The following ARK2N variants were observed in gnomAD, a reference collection of about 807,000 sequenced individuals.
The protein encoded by ARK2N is protein ARK2N.
chr18:46,249,390 C>T, the ARK2N span, among the ~76,000 whole-genome samples: 1 of 152,088 alleles, frequency 6.6e-6, no homozygotes, highest in South Asian at 2.1e-4. Context: ...CCACCACGCC[C>T]GGCTAATTTT....
the ARK2N span, among the ~76,000 whole-genome samples, chr18:46,259,484 C>T: frequency 1.3e-5 from 2 of 151,966 alleles, no homozygotes; most frequent in East Asian, 1.9e-4. Context: ...CCCCATGATC[C>T]GCCTACCTCG....
chr18:46,211,324 T>C, the ARK2N span, among the ~76,000 whole-genome samples: 1 of 152,278 alleles, frequency 6.6e-6, no homozygotes, highest in South Asian at 2.1e-4. Flanking sequence ...TTCTCCTTGC[T>C]GAGCCTCCCC....
the ARK2N span, among the ~76,000 whole-genome samples, chr18:46,212,283 C>T: frequency 6.6e-6 from 1 of 152,114 alleles, no homozygotes; most frequent in African/African-American, 2.4e-5. Context: ...TTGTATACAT[C>T]ACAAATTCAA....
chr18:46,209,471 C>T, the ARK2N span, among the ~76,000 whole-genome samples: 1 of 152,124 alleles, frequency 6.6e-6, no homozygotes. Context: ...GCACTGTATA[C>T]TGCTTAAATT....
chr18:46,260,649 A>T, the ARK2N span, among the ~76,000 whole-genome samples: 1 of 151,732 alleles, frequency 6.6e-6, no homozygotes, highest in African/African-American at 2.4e-5. Context: ...TAAACCTCTC[A>T]CTCTCCTAGT....
the ARK2N span, among the ~76,000 whole-genome samples, chr18:46,257,117 G>A: frequency 1.7e-4 from 26 of 152,124 alleles, no homozygotes; most frequent in Non-Finnish European, 5.9e-5. Flanking sequence ...TGTTTTGTTT[G>A]GATTTAGTTG....
the ARK2N span, among the ~76,000 whole-genome samples, chr18:46,196,994 CTG>C: frequency 6.6e-5 from 10 of 152,184 alleles, no homozygotes; most frequent in Admixed American, 2.0e-4. Flanking sequence ...CAGGTGGTAA[CTG>C]TCTTCTTTAT....
chr18:46,258,952 T>C, the ARK2N span, among the ~76,000 whole-genome samples: 1 of 152,124 alleles, frequency 6.6e-6, no homozygotes, highest in Non-Finnish European at 1.5e-5. Context: ...TATTCTCTTA[T>C]AAAATAGTTG....
chr18:46,173,966 G>C, the ARK2N span: 2 of 152,368 alleles, frequency 1.3e-5, no homozygotes, highest in East Asian at 3.9e-4. Context: ...TCGGGCGCCA[G>C]TCTCCAGAGG....
the ARK2N span, among the ~76,000 whole-genome samples, chr18:46,234,460 A>G: frequency 5.1e-4 from 78 of 152,270 alleles, no homozygotes; most frequent in African/African-American, 1.7e-3. Flanking sequence ...CGGCCTCCCA[A>G]AGTGCTGGAT....
At chr18:46,237,366 G>A in the ARK2N span, among the ~76,000 whole-genome samples, 2 of 149,256 alleles carry the variant, frequency 1.3e-5, no homozygotes, top group South Asian at 4.2e-4. Context: ...GTAGCTCAGA[G>A]TGCAAATCCT....
At chr18:46,213,770 C>T in the ARK2N span, among the ~76,000 whole-genome samples, 1 of 152,140 alleles carries the variant, frequency 6.6e-6, no homozygotes, top group South Asian at 2.1e-4. Context: ...GATCTTGGCT[C>T]ACTGCAACCT....
chr18:46,175,288 A>G, the ARK2N span, among the ~76,000 whole-genome samples: 3 of 152,140 alleles, frequency 2.0e-5, no homozygotes, highest in Non-Finnish European at 4.4e-5. Flanking sequence ...CAGTAGAATT[A>G]AAATCCTACT....
At chr18:46,257,196 G>GAT in the ARK2N span, among the ~76,000 whole-genome samples, 2 of 152,270 alleles carry the variant, frequency 1.3e-5, no homozygotes, top group African/African-American at 4.8e-5. Flanking sequence ...TAAGAACTCA[G>GAT]ATTTGGTCCT....
chr18:46,187,745 GC>G, the ARK2N span, among the ~76,000 whole-genome samples: 1 of 152,124 alleles, frequency 6.6e-6, no homozygotes, highest in Non-Finnish European at 1.5e-5. Context: ...TATGAGAAGT[GC>G]CCAGTTTCCT....
At chr18:46,262,107 A>G in the ARK2N span, among the ~76,000 whole-genome samples, 16 of 152,304 alleles carry the variant, frequency 1.1e-4, no homozygotes, top group Non-Finnish European at 1.8e-4. Context: ...CATTGATCAC[A>G]TGAGTTGCCT....
chr18:46,216,555 G>A, the ARK2N span: 2 of 1,613,930 alleles, frequency 1.2e-6, no homozygotes, highest in Non-Finnish European at 1.7e-6. The surrounding 1 kb of genome is among the most constrained non-coding windows in gnomAD (Gnocchi z 4.3). Flanking sequence ...ATGATGAAGA[G>A]GTTTCAGGGA....
the ARK2N span, among the ~76,000 whole-genome samples, chr18:46,214,799 A>G: frequency 6.6e-6 from 1 of 152,154 alleles, no homozygotes; most frequent in African/African-American, 2.4e-5. Flanking sequence ...TTTAGTGACC[A>G]TTGTGGATAA....
chr18:46,238,620 C>T, the ARK2N span, among the ~76,000 whole-genome samples: 18 of 152,252 alleles, frequency 1.2e-4, no homozygotes, highest in East Asian at 2.1e-3. Context: ...TTGTCATGAT[C>T]GTCAGAATTT....
Sources: allele counts gnomAD v4.1 joint callset (sites outside exome capture counted in the v4.1 genomes callset), GRCh38; gene constraint gnomAD v4.1.1; non-coding constraint Gnocchi (gnomAD v3.1); transcripts MANE v1.5; gene names NCBI Gene and HGNC (gene_info 2026-07-23, HGNC 2026-07-21).